MGAT4C: variants seen among roughly 807,000 people sequenced by gnomAD.
MGAT4C encodes the protein alpha-1,3-mannosyl-glycoprotein 4-beta-N-acetylglucosaminyltransferase C.
Under a neutral mutation model 40.1 loss-of-function variants are expected in MGAT4C, and 19 were observed. That is an observed-to-expected ratio of 0.47 (90% CI 0.33 to 0.70). The LOEUF (loss-of-function observed/expected upper bound fraction) is 0.70. MGAT4C is among the 30% of genes least tolerant of loss of function. MGAT4C has a pLI of 0.02. For synonymous variants in MGAT4C, 181 were observed against 187.1 expected, an observed-to-expected ratio of 0.97 and a Z score of 0.27; for missense variants, 491 against 563.2, an observed-to-expected ratio of 0.87 and a Z score of 1.30.
intron 3 of MGAT4C, among the ~76,000 whole-genome samples, chr12:86,338,221 T>C (rs761124898): frequency 2.6e-5 from 4 of 152,064 alleles, no homozygotes; most frequent in Non-Finnish European, 4.4e-5. Flanking sequence ...GGAATGCTGA[T>C]TGGTCAGGGA....
At chr12:86,753,556 G>A (rs192679096) in intron 1 of MGAT4C, among the ~76,000 whole-genome samples, 2 of 152,016 alleles carry the variant, frequency 1.3e-5, no homozygotes, top group East Asian at 1.9e-4. Flanking sequence ...GCACCACTGG[G>A]TTAGGGTCAC....
At chr12:86,358,199 T>G (rs1206573667) in intron 3 of MGAT4C, among the ~76,000 whole-genome samples, 1 of 152,158 alleles carries the variant, frequency 6.6e-6, no homozygotes, top group African/African-American at 2.4e-5. Context: ...AAAAGAATTT[T>G]CAACCCAGAA....
At chr12:86,183,389 T>C (rs1001027234) in intron 1 of MGAT4C, among the ~76,000 whole-genome samples, 3 of 152,168 alleles carry the variant, frequency 2.0e-5, no homozygotes, top group African/African-American at 7.2e-5. Flanking sequence ...ATCTCTCCTA[T>C]GCTTCAGTTT....
At chr12:86,267,603 T>C (rs1952820733) in intron 4 of MGAT4C, among the ~76,000 whole-genome samples, 1 of 152,164 alleles carries the variant, frequency 6.6e-6, no homozygotes, top group African/African-American at 2.4e-5. Context: ...TTTCAAATAT[T>C]TTTATATGCA....
intron 1 of MGAT4C, among the ~76,000 whole-genome samples, chr12:86,786,353 CAA>C (rs998039503): frequency 2.4e-4 from 37 of 152,012 alleles, no homozygotes; most frequent in African/African-American, 8.0e-4. Flanking sequence ...AGGTTTCTAA[CAA>C]AAGAAATAGT....
At chr12:86,237,012 A>T (rs1951582470) in intron 1 of MGAT4C, among the ~76,000 whole-genome samples, 1 of 150,082 alleles carries the variant, frequency 6.7e-6, no homozygotes, top group African/African-American at 2.4e-5. Flanking sequence ...GTTAATATTT[A>T]TATATATATA....
chr12:86,059,320 G>A (rs1473271264), intron 1 of MGAT4C, among the ~76,000 whole-genome samples: 1 of 152,198 alleles, frequency 6.6e-6, no homozygotes, highest in Non-Finnish European at 1.5e-5. Context: ...GGGATTACAG[G>A]CATGAGCCAC....
chr12:86,654,751 T>G, intron 2 of MGAT4C, among the ~76,000 whole-genome samples: 1 of 151,506 alleles, frequency 6.6e-6, no homozygotes, highest in Non-Finnish European at 1.5e-5. Flanking sequence ...AAGTTATATA[T>G]GAAAACTCTT....
At chr12:86,427,749 G>A (rs1005385508) in intron 3 of MGAT4C, among the ~76,000 whole-genome samples, 3 of 152,234 alleles carry the variant, frequency 2.0e-5, no homozygotes, top group Admixed American at 6.5e-5. Context: ...GGCTGGACGC[G>A]GTGGCTCATG....
rs149045540 is a variant in MGAT4C at position 86,630,966 on chromosome 12, C to T, written c.-229+96243G>A. Among the ~76,000 whole-genome samples, 606 of 152,264 alleles carry T rather than the reference C, an allele frequency of 4.0e-3. 3 individuals are homozygous for T. Among genetic ancestry groups the T allele is most frequent in the African/African-American group, 0.014 (591 of 41,546 alleles). ...TTAGGAAAAGAGGAAGTCAAATTGT[C>T]CCTGTTTGCAGAAGACATGATGGTA... On this transcript the variant is annotated intron_variant, in intron 2 of 7. Transcript: ENST00000548651.
At chr12:85,998,667 C>A (rs1886930346) in intron 2 of MGAT4C, among the ~76,000 whole-genome samples, 1 of 152,148 alleles carries the variant, frequency 6.6e-6, no homozygotes, top group Non-Finnish European at 1.5e-5. Flanking sequence ...TAACAAGAGT[C>A]ACTTTTGCTC....
intron 3 of MGAT4C, among the ~76,000 whole-genome samples, chr12:86,360,100 A>G (rs1955426386): frequency 6.6e-6 from 1 of 152,204 alleles, no homozygotes; most frequent in Non-Finnish European, 1.5e-5. Flanking sequence ...AATACGGGCA[A>G]ACCAAATCCA....
chr12:86,244,316 T>A (rs1205015390), intron 1 of MGAT4C, among the ~76,000 whole-genome samples: 2 of 152,176 alleles, frequency 1.3e-5, no homozygotes, highest in African/African-American at 2.4e-5. Flanking sequence ...TAAGTTGTTT[T>A]ACCAACACCA....
At chr12:86,274,000 T>C (rs1953010271) in intron 4 of MGAT4C, among the ~76,000 whole-genome samples, 4 of 152,212 alleles carry the variant, frequency 2.6e-5, no homozygotes, top group Admixed American at 2.0e-4. Flanking sequence ...AAGAGCGTAA[T>C]GCTGGCATCT....
intron 2 of MGAT4C, among the ~76,000 whole-genome samples, chr12:86,472,694 A>C (rs1957773198): frequency 1.3e-5 from 2 of 152,166 alleles, no homozygotes; most frequent in African/African-American, 4.8e-5. Context: ...AATACTTTCC[A>C]GTACAAACTA....
chr12:86,714,029 T>A (rs1950601852), intron 2 of MGAT4C, among the ~76,000 whole-genome samples: 1 of 152,198 alleles, frequency 6.6e-6, no homozygotes, highest in Non-Finnish European at 1.5e-5. Context: ...AAATTTCATA[T>A]AGGAAGCAAC....
chr12:86,020,032 C>A lies in MGAT4C; in HGVS notation c.-7+29642G>T, dbSNP rs192871494. Among the ~76,000 whole-genome samples the A allele has an allele frequency of 2.1e-3, 327 of 152,280 alleles. 2 individuals are homozygous for A. The highest frequency in any genetic ancestry group is 0.01 in the Middle Eastern group (3 of 294). On this transcript the variant is annotated intron_variant, in intron 2 of 4. Coordinates refer to ENST00000611864, the MANE Select transcript of MGAT4C (RefSeq NM_001351288.2). The stretch of plus-strand genomic sequence containing the variant: ...TATAAGAATGCTTGTGATTTTTGCA[C>A]ATTGATTTTGTATCCTGAGACTTCG...
intron 1 of MGAT4C, among the ~76,000 whole-genome samples, chr12:86,835,898 C>T (rs1953027970): frequency 6.6e-6 from 1 of 151,552 alleles, no homozygotes; most frequent in Admixed American, 6.6e-5. Context: ...ATTAAAGAGT[C>T]AAATTAATTT....
In MGAT4C at chr12:86,612,671, C is replaced by T. The variant is rs529563430; in HGVS notation, c.-229+114538G>A. Among the ~76,000 whole-genome samples the T allele has an allele frequency of 2.5e-3, 357 of 144,894 alleles. 5 individuals are homozygous for T. Among genetic ancestry groups the T allele is most frequent in the African/African-American group, 8.7e-3 (338 of 38,808 alleles). ...AAGAGAATCGCTTGAATCCGGGAAG[C>T]GAAGGCTGCAGTGAGAGGAGATCAT... On this transcript the variant is annotated intron_variant, in intron 2 of 7. Transcript: ENST00000548651.
Sources: allele counts gnomAD v4.1 joint callset (sites outside exome capture counted in the v4.1 genomes callset), GRCh38; gene constraint gnomAD v4.1.1; transcripts MANE v1.5; gene names NCBI Gene and HGNC (gene_info 2026-07-23, HGNC 2026-07-21).